Variants in KHDRBS3 observed in about 807,000 individuals in gnomAD.
KHDRBS3 encodes KH RNA binding domain containing, signal transduction associated 3.
KHDRBS3 carries 23 observed loss-of-function variants against 45.6 expected under a neutral mutation model. The observed-to-expected ratio is 0.50, with a 90% CI of 0.36 to 0.72. KHDRBS3 has a LOEUF of 0.72. KHDRBS3 is among the 30% of genes least tolerant of loss of function. KHDRBS3 has a pLI of 0.00. For synonymous variants in KHDRBS3, 162 were observed against 156.5 expected (o/e 1.04, Z -0.26); for missense variants, 352 against 424.8 (o/e 0.83, Z 1.51).
At chr8:135,499,303 T>C (rs897372644) in intron 1 of KHDRBS3, among the ~76,000 whole-genome samples, 1 of 152,338 alleles carries the variant, frequency 6.6e-6, no homozygotes, top group Non-Finnish European at 1.5e-5. Context: ...ATATTAAGCA[T>C]ATTATTATGT....
intron 7 of KHDRBS3, among the ~76,000 whole-genome samples, chr8:135,642,252 A>G (rs1563827568): frequency 6.6e-6 from 1 of 152,356 alleles, no homozygotes; most frequent in East Asian, 1.9e-4. Context: ...TGTTCAGCAC[A>G]TAGCAGTGGT....
intron 6 of KHDRBS3, among the ~76,000 whole-genome samples, chr8:135,604,617 A>G (rs546039943): frequency 3.3e-5 from 5 of 151,962 alleles, no homozygotes; most frequent in African/African-American, 1.2e-4. Context: ...CCAACACAAA[A>G]ATGCTTTTTA....
chr8:135,536,523 G>A (rs1400296242), intron 2 of KHDRBS3, among the ~76,000 whole-genome samples: 2 of 151,948 alleles, frequency 1.3e-5, no homozygotes, highest in Non-Finnish European at 2.9e-5. Context: ...GTGTAATATG[G>A]GCAACTTGTG....
chr8:135,636,986 G>A (rs975430293), intron 7 of KHDRBS3, among the ~76,000 whole-genome samples: 3 of 152,216 alleles, frequency 2.0e-5, no homozygotes, highest in African/African-American at 7.2e-5. Context: ...GCCCTAGTAG[G>A]AGCACTAGTG....
At position 135,586,743 on chromosome 8, in the gene KHDRBS3, A is replaced by C. The variant is rs73712079; in HGVS notation, c.807+4670A>C. ...CCAGTGATAAAGGTTTGATTTCTAT[A>C]CAATGTGTTTGGCTATATCAAACCA... is the stretch of plus-strand genomic sequence containing the variant. On this transcript the variant is annotated intron_variant, in intron 6 of 8. Coordinates refer to ENST00000355849, the MANE Select transcript of KHDRBS3 (RefSeq NM_006558.3). 2.8e-3 allele frequency among the ~76,000 whole-genome samples: 425 copies of C among 152,336 alleles called. 2 individuals carry two copies. The highest frequency in any genetic ancestry group is 0.017 in the Middle Eastern group (5 of 294).
intron 7 of KHDRBS3, chr8:135,625,728 AT>A: frequency 1.3e-6 from 1 of 761,070 alleles, no homozygotes; most frequent in Non-Finnish European, 2.4e-6. Flanking sequence ...GTCAACACCC[AT>A]CCTCTTAAAA....
intron 7 of KHDRBS3, among the ~76,000 whole-genome samples, chr8:135,608,062 C>T (rs1474503374): frequency 6.6e-6 from 1 of 152,054 alleles, no homozygotes; most frequent in Non-Finnish European, 1.5e-5. Flanking sequence ...ACTTACGGAG[C>T]CCAGTGACTG....
At chr8:135,576,808 T>A (rs1267508062) in intron 5 of KHDRBS3, among the ~76,000 whole-genome samples, 5 of 152,230 alleles carry the variant, frequency 3.3e-5, no homozygotes, top group Admixed American at 3.3e-4. Context: ...GACATATATG[T>A]GTATGTACTA....
intron 5 of KHDRBS3, among the ~76,000 whole-genome samples, chr8:135,566,447 G>T (rs928411916): frequency 6.6e-6 from 1 of 152,126 alleles, no homozygotes; most frequent in African/African-American, 2.4e-5. Flanking sequence ...ATCAAACACG[G>T]TACATTCAAG....
intron 7 of KHDRBS3, among the ~76,000 whole-genome samples, chr8:135,623,625 G>A (rs186735988): frequency 1.9e-4 from 28 of 149,968 alleles, no homozygotes; most frequent in Admixed American, 4.7e-4. Flanking sequence ...GTTTAAAGTA[G>A]AAAAAACCCT....
At chr8:135,475,799 G>T (rs1399949766) in intron 1 of KHDRBS3, among the ~76,000 whole-genome samples, 1 of 152,128 alleles carries the variant, frequency 6.6e-6, no homozygotes, top group East Asian at 1.9e-4. Flanking sequence ...CCTCTTAGAT[G>T]CATGACATAA....
chr8:135,548,852 T>C lies in KHDRBS3; in HGVS notation c.423T>C (p.Tyr141=). The C allele has an allele frequency of 6.2e-7, 1 of 1,604,002 alleles. No individual in the cohort carries two copies. Among genetic ancestry groups the C allele is most frequent in the Non-Finnish European group, 8.5e-7 (1 of 1,175,078 alleles). ...IEVFAPPAEA[Y]ARMGHALEEI... ...TGTTTGCCCCACCTGCAGAAGCTTA[T>C]GCCAGGATGGGACATGCTTTGGAAG... The change falls in exon 4 of 9, where the codon TAT becomes TAC. Residue 141 remains tyrosine (Y), a synonymous_variant. Coordinates refer to ENST00000355849, the MANE Select transcript of KHDRBS3 (RefSeq NM_006558.3).
chr8:135,476,655 G>A (rs1053110802), intron 1 of KHDRBS3, among the ~76,000 whole-genome samples: 2 of 152,100 alleles, frequency 1.3e-5, no homozygotes, highest in Non-Finnish European at 2.9e-5. Context: ...GAGTAGATGG[G>A]GAAACCGAGC....
chr8:135,567,616 T>C (rs985366109), intron 5 of KHDRBS3, among the ~76,000 whole-genome samples: 1 of 152,136 alleles, frequency 6.6e-6, no homozygotes, highest in Non-Finnish European at 1.5e-5. Context: ...CCAAGCATGG[T>C]GTTGAAATTC....
chr8:135,529,946 G>A (rs1266112822), intron 2 of KHDRBS3, among the ~76,000 whole-genome samples: 1 of 151,888 alleles, frequency 6.6e-6, no homozygotes. Flanking sequence ...AGCTACTTGG[G>A]AGGCTGAGGT....
At chr8:135,550,890 T>TG (rs1826556862) in intron 4 of KHDRBS3, among the ~76,000 whole-genome samples, 2 of 152,198 alleles carry the variant, frequency 1.3e-5, no homozygotes, top group Non-Finnish European at 2.9e-5. Context: ...AAAAGATATT[T>TG]TAAAATTTTT....
At chr8:135,517,712 C>A (rs1447065497) in intron 1 of KHDRBS3, among the ~76,000 whole-genome samples, 5 of 152,148 alleles carry the variant, frequency 3.3e-5, no homozygotes, top group Non-Finnish European at 7.3e-5. Flanking sequence ...TAAACCAGGT[C>A]TGTTTGACTC....
At chr8:135,558,910 G>C (rs1400198169) in intron 5 of KHDRBS3, among the ~76,000 whole-genome samples, 1 of 152,182 alleles carries the variant, frequency 6.6e-6, no homozygotes, top group Non-Finnish European at 1.5e-5. Flanking sequence ...CTCTAGGGGA[G>C]ATTCCTTTCC....
chr8:135,602,090 G>T (rs1829242015), intron 6 of KHDRBS3, among the ~76,000 whole-genome samples: 1 of 152,098 alleles, frequency 6.6e-6, no homozygotes, highest in Non-Finnish European at 1.5e-5. Flanking sequence ...TGAGTCATTT[G>T]TTTATTGGTT....
Sources: gnomAD v4.1 joint callset for allele counts (sites outside exome capture counted in the v4.1 genomes callset) on GRCh38, gnomAD v4.1.1 for gene constraint, MANE v1.5 for transcripts, NCBI Gene and HGNC (gene_info 2026-07-23, HGNC 2026-07-21) for gene names.